CORO2B: variants seen among roughly 807,000 people sequenced by gnomAD.
CORO2B encodes coronin 2B.
A neutral mutation model predicts 58.8 loss-of-function variants in CORO2B; 26 were observed. The observed-to-expected ratio is 0.44, with a 90% CI of 0.32 to 0.61. The LOEUF (loss-of-function observed/expected upper bound fraction) is 0.61, where lower values mean the gene tolerates loss of function less well. Among genes scored for constraint, CORO2B ranks in the 20% least tolerant of loss-of-function variants. The pLI, the probability that CORO2B is intolerant of heterozygous loss-of-function variation, is 0.04. For missense variants in CORO2B, 460 were observed against 645.1 expected, an observed-to-expected ratio of 0.71 and a Z score of 3.11; for synonymous variants, 242 against 253.8, an observed-to-expected ratio of 0.95 and a Z score of 0.44.
chr15:68,657,763 G>A (rs2140283871), intron 2 of CORO2B, among the ~76,000 whole-genome samples: 1 of 152,278 alleles, frequency 6.6e-6, no homozygotes, highest in Middle Eastern at 3.4e-3. Flanking sequence ...GGGGTTTGCT[G>A]CCTACATTTA....
intron 2 of CORO2B, among the ~76,000 whole-genome samples, chr15:68,682,707 G>A (rs754983726): frequency 6.6e-6 from 1 of 152,158 alleles, no homozygotes; most frequent in Non-Finnish European, 1.5e-5. Context: ...CGGAGGGAGA[G>A]ACTGAGACCT....
At chr15:68,706,901 G>A (rs1303110108) in intron 3 of CORO2B, among the ~76,000 whole-genome samples, 1 of 152,036 alleles carries the variant, frequency 6.6e-6, no homozygotes, top group Non-Finnish European at 1.5e-5. Flanking sequence ...TTGTAAAGAT[G>A]GGGGTCTCAC....
chr15:68,584,786 C>T (rs1000607576), intron 1 of CORO2B, among the ~76,000 whole-genome samples: 5 of 152,208 alleles, frequency 3.3e-5, no homozygotes, highest in African/African-American at 1.2e-4. Flanking sequence ...GGCTCAGGCC[C>T]AGGGTCCTGG....
At chr15:68,520,215 C>T in the CORO2B span, among the ~76,000 whole-genome samples, 1 of 152,184 alleles carries the variant, frequency 6.6e-6, no homozygotes, top group Non-Finnish European at 1.5e-5. Context: ...ATAAATGTTC[C>T]ATGTACACTT....
the CORO2B span, among the ~76,000 whole-genome samples, chr15:68,532,188 G>T: frequency 6.6e-6 from 1 of 151,810 alleles, no homozygotes; most frequent in African/African-American, 2.4e-5. Context: ...TTGGATCTGT[G>T]GGTTTACATT....
chr15:68,644,643 G>A (rs1356789960), intron 1 of CORO2B, among the ~76,000 whole-genome samples: 1 of 152,152 alleles, frequency 6.6e-6, no homozygotes, highest in African/African-American at 2.4e-5. Flanking sequence ...AAACACTAGA[G>A]AATCCGAGGG....
chr15:68,550,034 G>A, the CORO2B span, among the ~76,000 whole-genome samples: 1 of 152,108 alleles, frequency 6.6e-6, no homozygotes, highest in Non-Finnish European at 1.5e-5. Context: ...ATCTTGGCAA[G>A]TTCTTTGCTT....
chr15:68,647,142 G>A (rs79303441), intron 2 of CORO2B, among the ~76,000 whole-genome samples: 1 of 152,188 alleles, frequency 6.6e-6, no homozygotes, highest in Non-Finnish European at 1.5e-5. Context: ...AGCTACATGT[G>A]TATTAGAGGA....
the CORO2B span, among the ~76,000 whole-genome samples, chr15:68,531,706 A>T: frequency 6.6e-6 from 1 of 151,934 alleles, no homozygotes; most frequent in East Asian, 1.9e-4. Context: ...CAAAATAAGA[A>T]AAAATATTTT....
At chr15:68,647,857 T>TAA (rs35636803) in intron 2 of CORO2B, among the ~76,000 whole-genome samples, 71 of 136,474 alleles carry the variant, frequency 5.2e-4, no homozygotes, top group South Asian at 9.7e-4. Context: ...TTCTACAAAT[T>TAA]AAAAAAAAAA....
At chr15:68,712,437 CA>C (rs1892941698) in intron 5 of CORO2B, among the ~76,000 whole-genome samples, 1 of 152,152 alleles carries the variant, frequency 6.6e-6, no homozygotes, top group Non-Finnish European at 1.5e-5. Context: ...ACTTTTTGAG[CA>C]CTGACATAAC....
At chr15:68,621,843 A>G (rs1396376632) in intron 1 of CORO2B, among the ~76,000 whole-genome samples, 1 of 148,746 alleles carries the variant, frequency 6.7e-6, no homozygotes, top group Non-Finnish European at 1.5e-5. Flanking sequence ...TACAGCTTTG[A>G]CCTCCCAGGT....
chr15:68,532,000 A>T, the CORO2B span, among the ~76,000 whole-genome samples: 1 of 152,084 alleles, frequency 6.6e-6, no homozygotes. Flanking sequence ...TTGTATTCTA[A>T]TATGCATAGT....
chr15:68,578,951 T>TA, upstream of CORO2B: 1 of 535,886 alleles, frequency 1.9e-6, no homozygotes, highest in Non-Finnish European at 2.4e-6. The surrounding 1 kb of genome is among the most constrained non-coding windows in gnomAD (Gnocchi z 4.2). Context: ...CCCCTCTTCC[T>TA]CCCCCCGCCC....
intron 1 of CORO2B, among the ~76,000 whole-genome samples, chr15:68,602,113 T>C (rs1347417931): frequency 6.6e-6 from 1 of 151,758 alleles, no homozygotes; most frequent in African/African-American, 2.4e-5. Flanking sequence ...ACTATCACAT[T>C]GGCACCGTCT....
At chr15:68,683,847 G>A (rs1902874362) in intron 2 of CORO2B, among the ~76,000 whole-genome samples, 1 of 152,206 alleles carries the variant, frequency 6.6e-6, no homozygotes, top group Non-Finnish European at 1.5e-5. Flanking sequence ...AGTGAGGAAG[G>A]AGCATTGGAG....
chr15:68,626,011 T>A (rs1266652580), intron 1 of CORO2B, among the ~76,000 whole-genome samples: 1 of 152,242 alleles, frequency 6.6e-6, no homozygotes, highest in African/African-American at 2.4e-5. Context: ...ACAGCTTTTC[T>A]TCCTGGGGTA....
chr15:68,655,047 T>A (rs1439694316), intron 2 of CORO2B, among the ~76,000 whole-genome samples: 5 of 152,116 alleles, frequency 3.3e-5, no homozygotes, highest in Non-Finnish European at 7.4e-5. Flanking sequence ...GATGGGGGAT[T>A]CTAGGGAGGG....
At position 68,710,872 on chromosome 15, in the gene CORO2B, C is replaced by T. The variant is rs767743523; in HGVS notation, c.474C>T (p.Tyr158=). The change falls in exon 4 of 12, where the codon TAC becomes TAT. Residue 158 remains tyrosine (Y), a synonymous_variant. Coordinates refer to ENST00000261861, the MANE Select transcript of CORO2B (RefSeq NM_006091.5). The surrounding 1 kb of genome is among the most constrained non-coding windows in gnomAD (Gnocchi z 4.1). ...TTNNILFSAG[Y]DYKVLIWNLD... ...ACAACATCCTGTTCAGCGCTGGCTACGACTACAAGGTATGCAGTGGGCAGG... is the reference window on the plus strand; with the variant it reads ...ACAACATCCTGTTCAGCGCTGGCTATGACTACAAGGTATGCAGTGGGCAGG... 25 of 1,605,052 alleles carry T rather than the reference C, an allele frequency of 1.6e-5. No individual in the cohort carries two copies. The highest frequency in any genetic ancestry group is 1.0e-4 in the Admixed American group (6 of 59,014).
Sources: allele counts gnomAD v4.1 joint callset (sites outside exome capture counted in the v4.1 genomes callset), GRCh38; gene constraint gnomAD v4.1.1; non-coding constraint Gnocchi (gnomAD v3.1); transcripts MANE v1.5; gene names NCBI Gene and HGNC (gene_info 2026-07-23, HGNC 2026-07-21).